Variants in NAA11 observed in about 807,000 individuals in gnomAD.
NAA11 encodes the protein N-alpha-acetyltransferase 11, NatA catalytic subunit, also known as N-alpha-acetyltransferase 11.
In NAA11, 15 loss-of-function variants were observed where a neutral mutation model predicts 16.1. The ratio of observed to expected loss-of-function variants is 0.93; its 90% CI spans 0.62 to 1.44. The LOEUF (loss-of-function observed/expected upper bound fraction) is 1.44, where lower values mean the gene tolerates loss of function less well. Among genes scored for constraint, NAA11 ranks in the 40% most tolerant of loss-of-function variants. The pLI, the probability that NAA11 is intolerant of heterozygous loss-of-function variation, is 0.00. For synonymous variants in NAA11, 122 were observed against 112.4 expected (o/e 1.09, Z -0.54); for missense variants, 298 against 291.3 (o/e 1.02, Z -0.17).
chr4:79,230,266 G>T (rs1578152170), intron 2 of NAA11, among the ~76,000 whole-genome samples: 1 of 151,458 alleles, frequency 6.6e-6, no homozygotes, highest in Non-Finnish European at 1.5e-5. Context: ...ACACTCTGGG[G>T]ACTGTTGTGG....
chr4:79,270,401 A>C (rs1289051668), intron 2 of NAA11, among the ~76,000 whole-genome samples: 1 of 150,048 alleles, frequency 6.7e-6, no homozygotes, highest in Non-Finnish European at 1.5e-5. Flanking sequence ...TTACCAACCA[A>C]AAAGAGTCCA....
chr4:79,164,830 G>A, the NAA11 span, among the ~76,000 whole-genome samples: 1 of 152,192 alleles, frequency 6.6e-6, no homozygotes, highest in Non-Finnish European at 1.5e-5. Flanking sequence ...ACAGCAGAAA[G>A]ATTAGCAATG....
the NAA11 span, among the ~76,000 whole-genome samples, chr4:79,167,270 T>TATATAGAGAGAG: frequency 1.0e-5 from 1 of 98,472 alleles, no homozygotes; most frequent in African/African-American, 4.0e-5. Context: ...TATATATATA[T>TATATAGAGAGAG]AGAGAGAGAG....
intron 1 of NAA11, among the ~76,000 whole-genome samples, chr4:79,297,348 C>A (rs1296580435): frequency 6.6e-6 from 1 of 152,180 alleles, no homozygotes; most frequent in Non-Finnish European, 1.5e-5. Flanking sequence ...ACAGAGAGGG[C>A]CTCAGCGAGG....
At chr4:79,166,734 T>C in the NAA11 span, among the ~76,000 whole-genome samples, 2 of 149,110 alleles carry the variant, frequency 1.3e-5, no homozygotes, top group South Asian at 4.3e-4. Context: ...CTGGGCGTGG[T>C]GGCACGCACC....
intron 2 of NAA11, among the ~76,000 whole-genome samples, chr4:79,248,323 C>T (rs1301419836): frequency 3.3e-5 from 5 of 152,148 alleles, no homozygotes; most frequent in Non-Finnish European, 5.9e-5. Context: ...TCAGTACACA[C>T]ACACCCATAA....
At chr4:79,271,290 GA>G (rs1722486885) in intron 2 of NAA11, among the ~76,000 whole-genome samples, 1 of 133,442 alleles carries the variant, frequency 7.5e-6, no homozygotes, top group Non-Finnish European at 1.6e-5. Context: ...TTGCTTCAAA[GA>G]GAATAAAATA....
At chr4:79,322,375 GAC>G (rs1724118417) in intron 1 of NAA11, among the ~76,000 whole-genome samples, 1 of 152,134 alleles carries the variant, frequency 6.6e-6, no homozygotes, top group Non-Finnish European at 1.5e-5. Flanking sequence ...TTATAACTGT[GAC>G]ACAACAATGA....
intron 2 of NAA11, among the ~76,000 whole-genome samples, chr4:79,264,749 G>A (rs1722309582): frequency 1.3e-5 from 2 of 152,076 alleles, no homozygotes; most frequent in Non-Finnish European, 2.9e-5. Context: ...CTCATTTAAT[G>A]GACCATCCTT....
chr4:79,277,091 T>C (rs1029723886), intron 2 of NAA11, among the ~76,000 whole-genome samples: 1 of 152,122 alleles, frequency 6.6e-6, no homozygotes, highest in African/African-American at 2.4e-5. Context: ...TGTTGCACCT[T>C]CATCCCAAAC....
chr4:79,242,493 T>C (rs894379475), intron 2 of NAA11, among the ~76,000 whole-genome samples: 1 of 152,244 alleles, frequency 6.6e-6, no homozygotes, highest in Admixed American at 6.5e-5. Context: ...CAATGTCTTT[T>C]CCAATGAAGT....
At chr4:79,189,629 G>A in the NAA11 span, among the ~76,000 whole-genome samples, 1 of 152,136 alleles carries the variant, frequency 6.6e-6, no homozygotes, top group Non-Finnish European at 1.5e-5. Context: ...AGCTGCAGGT[G>A]CACACTGTAT....
intron 2 of NAA11, among the ~76,000 whole-genome samples, chr4:79,239,548 C>G (rs1721644369): frequency 6.6e-6 from 1 of 152,014 alleles, no homozygotes; most frequent in South Asian, 2.1e-4. Context: ...AAGAAAAATA[C>G]TAAAATTAGC....
At chr4:79,266,912 G>A (rs754341023) in intron 2 of NAA11, among the ~76,000 whole-genome samples, 1 of 152,164 alleles carries the variant, frequency 6.6e-6, no homozygotes, top group African/African-American at 2.4e-5. Flanking sequence ...AACGAGTAAG[G>A]TCTTTTTAAA....
At chr4:79,223,230 GA>G (rs1721232127), downstream of NAA11, among the ~76,000 whole-genome samples, 1 of 148,566 alleles carries the variant, frequency 6.7e-6, no homozygotes, top group Non-Finnish European at 1.5e-5. Flanking sequence ...CAATAGCAAA[GA>G]CTTGGAACCA....
rs1325511350 is a variant in NAA11 at position 79,280,886 on chromosome 4, A to C, written c.*122+13119T>G. 2.6e-5 allele frequency among the ~76,000 whole-genome samples: 4 copies of C among 152,132 alleles called. No individual in the cohort carries two copies. In the East Asian group the frequency reaches 7.7e-4, roughly 29 times the overall value. ...GGACTACATTGAGGAAAGCCTTGAA[A>C]GACAGATTGAAGCCTCAATTTTGGG... is the stretch of plus-strand genomic sequence containing the variant. On this transcript the variant is annotated intron_variant and NMD_transcript_variant, in intron 2 of 2. Transcript: ENST00000511542.
intron 1 of NAA11, among the ~76,000 whole-genome samples, chr4:79,323,838 T>A (rs1231959972): frequency 6.7e-6 from 1 of 149,748 alleles, no homozygotes; most frequent in African/African-American, 2.5e-5. Flanking sequence ...GAAAAAAAGA[T>A]ACAAAAATAC....
the NAA11 span, among the ~76,000 whole-genome samples, chr4:79,189,997 T>C: frequency 1.3e-5 from 2 of 152,160 alleles, no homozygotes; most frequent in African/African-American, 4.8e-5. Flanking sequence ...AACTGGATGC[T>C]ATTATTGACA....
rs567573055 is a variant in NAA11 at position 79,284,444 on chromosome 4, A to G, written c.*122+9561T>C. On this transcript the variant is annotated intron_variant and NMD_transcript_variant, in intron 2 of 2. Transcript: ENST00000511542. ...AGCATAAATTTTGATATCCATGTCTATCAATCAAGTTTGATTCAAGAGTAT... is the reference window on the plus strand; with the variant it reads ...AGCATAAATTTTGATATCCATGTCTGTCAATCAAGTTTGATTCAAGAGTAT... 1.4e-4 allele frequency among the ~76,000 whole-genome samples: 22 copies of G among 152,220 alleles called. 1 individual carries two copies. The South Asian group carries it at 4.6e-3, about 32-fold the overall frequency.
Sources: gnomAD v4.1 joint callset for allele counts (sites outside exome capture counted in the v4.1 genomes callset) on GRCh38, gnomAD v4.1.1 for gene constraint, MANE v1.5 for transcripts, NCBI Gene and HGNC (gene_info 2026-07-23, HGNC 2026-07-21) for gene names.